Variants in PCDHA1 observed in about 807,000 individuals in gnomAD.
PCDHA1 encodes protocadherin alpha-1.
In PCDHA1, 42 loss-of-function variants were observed where a neutral mutation model predicts 61.3. That is an observed-to-expected ratio of 0.69 (90% CI 0.54 to 0.89). The LOEUF is 0.89. Ranked by LOEUF, PCDHA1 falls within the 40% of genes least tolerant of loss-of-function variation. The pLI is 0.00. For missense variants in PCDHA1, 1,256 were observed against 1,235.3 expected, an observed-to-expected ratio of 1.02 and a Z score of -0.25; for synonymous variants, 610 against 553.8, an observed-to-expected ratio of 1.10 and a Z score of -1.43.
chr5:140,886,498 C>T (rs1415505049), intron 1 of PCDHA1, among the ~76,000 whole-genome samples: 1 of 151,920 alleles, frequency 6.6e-6, no homozygotes, highest in African/African-American at 2.4e-5. Context: ...ATATCTTTTT[C>T]CTTTTATGGA....
chr5:140,829,430 G>C (rs2150167719), intron 1 of PCDHA1: 5 of 1,614,092 alleles, frequency 3.1e-6, no homozygotes, highest in South Asian at 1.1e-5. Flanking sequence ...GGAGGTGGCC[G>C]ACATGAATGA....
intron 3 of PCDHA1, among the ~76,000 whole-genome samples, chr5:141,006,716 C>T (rs904868679): frequency 2.0e-5 from 3 of 151,786 alleles, no homozygotes; most frequent in Non-Finnish European, 2.9e-5. Flanking sequence ...ATTTAGGAGG[C>T]AGAAATGACA....
intron 1 of PCDHA1, chr5:140,883,517 A>G: frequency 6.2e-7 from 1 of 1,614,162 alleles, no homozygotes; most frequent in Non-Finnish European, 8.5e-7. Context: ...GGACCGCGAG[A>G]GCGTATCAGC....
intron 1 of PCDHA1, chr5:140,849,770 T>A (rs1407416435): frequency 6.3e-7 from 1 of 1,598,458 alleles, no homozygotes; most frequent in East Asian, 2.2e-5. Flanking sequence ...AGCTGGTGGT[T>A]ACCGCGCGGG....
chr5:140,998,908 G>A (rs1203319313), intron 3 of PCDHA1, among the ~76,000 whole-genome samples: 2 of 152,162 alleles, frequency 1.3e-5, no homozygotes, highest in East Asian at 1.9e-4. Context: ...CCTCCGGGAG[G>A]TAGCTATTAT....
rs114851794 is a variant in PCDHA1, at chr5:140,908,247, A to G, written c.2395-70702A>G. ...GTCCTTAGTCTTCTCTTCCTCATCA[A>G]CTGATCATAGGGAACTCCCCATGAG... On this transcript the variant is annotated intron_variant, in intron 1 of 3. Coordinates refer to ENST00000504120, the MANE Select transcript of PCDHA1 (RefSeq NM_018900.4). Among the ~76,000 whole-genome samples, 435 of 152,170 alleles carry G rather than the reference A, an allele frequency of 2.9e-3. 1 individual carries two copies. Among genetic ancestry groups the G allele is most frequent in the African/African-American group, 9.6e-3 (400 of 41,506 alleles).
intron 1 of PCDHA1, among the ~76,000 whole-genome samples, chr5:140,799,865 G>T (rs987718549): frequency 2.4e-4 from 37 of 152,010 alleles, no homozygotes; most frequent in African/African-American, 8.4e-4. Flanking sequence ...CTCTAAATTT[G>T]ACCTCTTTCC....
At chr5:140,893,818 G>A (rs184696543) in intron 1 of PCDHA1, among the ~76,000 whole-genome samples, 14 of 152,114 alleles carry the variant, frequency 9.2e-5, no homozygotes, top group Admixed American at 3.3e-4. Context: ...GTCTGGTACC[G>A]TAGACTACTC....
At chr5:140,800,204 TTGATG>T (rs1328643191) in intron 1 of PCDHA1, among the ~76,000 whole-genome samples, 1 of 152,138 alleles carries the variant, frequency 6.6e-6, no homozygotes, top group African/African-American at 2.4e-5. Flanking sequence ...ATATTCTTAA[TTGATG>T]TGATGTGAGT....
intron 1 of PCDHA1, among the ~76,000 whole-genome samples, chr5:140,961,096 G>A (rs1040764862): frequency 3.9e-5 from 6 of 152,222 alleles, no homozygotes; most frequent in Admixed American, 3.3e-4. Flanking sequence ...TGACTTTTTG[G>A]TCACCCAACC....
chr5:140,872,373 T>C (rs1437548177), intron 1 of PCDHA1, among the ~76,000 whole-genome samples: 3 of 152,182 alleles, frequency 2.0e-5, no homozygotes, highest in African/African-American at 4.8e-5. Flanking sequence ...AGGCCTGTAA[T>C]CCCAGCTATT....
At chr5:140,884,938 G>A (rs2060412389) in intron 1 of PCDHA1, among the ~76,000 whole-genome samples, 1 of 152,106 alleles carries the variant, frequency 6.6e-6, no homozygotes, top group African/African-American at 2.4e-5. Context: ...TCTTGCAATT[G>A]AGCATTTACA....
chr5:140,961,477 G>T (rs2095615587), intron 1 of PCDHA1, among the ~76,000 whole-genome samples: 1 of 152,006 alleles, frequency 6.6e-6, no homozygotes, highest in African/African-American at 2.4e-5. Flanking sequence ...TTTTTGTCTT[G>T]TCCACGTGAG....
At chr5:140,966,543 A>T (rs200134570) in intron 1 of PCDHA1, 4 of 461,074 alleles carry the variant, frequency 8.7e-6, no homozygotes, top group Non-Finnish European at 1.5e-5. Context: ...AGCGACTCGG[A>T]GGCGAGCGGA....
chr5:140,857,611 G>C, intron 1 of PCDHA1: 2 of 1,596,436 alleles, frequency 1.3e-6, no homozygotes, highest in Non-Finnish European at 1.7e-6. Flanking sequence ...CGCTGCAGCC[G>C]CTGGACCACG....
intron 2 of PCDHA1, 103 bp downstream of exon 2, chr5:140,979,110 C>G (rs1223081047): frequency 4.6e-5 from 69 of 1,515,610 alleles, no homozygotes; most frequent in Non-Finnish European, 5.9e-5. Flanking sequence ...AACTAAAAAG[C>G]TTTAGGTACT....
At chr5:140,796,202 T>G (rs1234815335) in intron 1 of PCDHA1, 1 of 1,614,096 alleles carries the variant, frequency 6.2e-7, no homozygotes, top group Admixed American at 1.7e-5. Flanking sequence ...GACAGCGCCC[T>G]GGACCGCGAG....
chr5:140,877,422 G>A (rs781813282), intron 1 of PCDHA1: 2 of 1,613,784 alleles, frequency 1.2e-6, no homozygotes, highest in Admixed American at 1.7e-5. Context: ...TGCTGGTGCT[G>A]GTGAAGGACC....
intron 1 of PCDHA1, chr5:140,834,639 G>C (rs2150223224): frequency 3.1e-6 from 5 of 1,614,100 alleles, no homozygotes; most frequent in African/African-American, 1.3e-5. Context: ...CATTTTGTTT[G>C]TGAATTCTCG....
Sources: gnomAD v4.1 joint callset for allele counts (sites outside exome capture counted in the v4.1 genomes callset) on GRCh38, gnomAD v4.1.1 for gene constraint, MANE v1.5 for transcripts, NCBI Gene and HGNC (gene_info 2026-07-23, HGNC 2026-07-21) for gene names.